SHANK2: variants seen among roughly 807,000 people sequenced by gnomAD.
SHANK2 encodes SH3 and multiple ankyrin repeat domains protein 2.
A neutral mutation model predicts 133.7 loss-of-function variants in SHANK2; 43 were observed. That is an observed-to-expected ratio of 0.32 (90% CI 0.25 to 0.41). The LOEUF is 0.41. Ranked by LOEUF, SHANK2 falls within the 10% of genes least tolerant of loss-of-function variation. The probability of loss-of-function intolerance (pLI) is 1.00; values close to 1 mark genes in which losing one functional copy is unlikely to be tolerated. For missense variants in SHANK2, 1,994 were observed against 2,235.8 expected (o/e 0.89, Z 2.18); for synonymous variants, 1,017 against 952.8 (o/e 1.07, Z -1.24).
chr11:70,575,701 G>T (rs11602938), intron 17 of SHANK2, among the ~76,000 whole-genome samples: 1 of 151,514 alleles, frequency 6.6e-6, no homozygotes, highest in Non-Finnish European at 1.5e-5. Flanking sequence ...TCGACACTCA[G>T]GTGGTGGGTG....
At position 70,502,721 on chromosome 11, in the gene SHANK2, C is replaced by A. The variant is rs549117985; in HGVS notation, c.2197+75G>T. 292 of 1,324,702 alleles carry A rather than the reference C, an allele frequency of 2.2e-4. 4 individuals carry two copies. In the South Asian group the frequency reaches 2.5e-3, roughly 11 times the overall value. 82.1% of individuals were successfully genotyped at this position (1,324,702 alleles called of 1,614,324 possible). On this transcript the variant is annotated intron_variant, in intron 18 of 25. Coordinates refer to ENST00000601538, the MANE Select transcript of SHANK2 (RefSeq NM_012309.5). ...GCTGGAGAGAGGGCCCACTGCCCCC[C>A]AGCTGTCCTGCCCGCCCCCACCCCC...
chr11:70,873,143 A>T (rs1555070529), intron 11 of SHANK2: 1 of 469,858 alleles, frequency 2.1e-6, no homozygotes, highest in Non-Finnish European at 4.4e-6. Flanking sequence ...TGGTTCCCTA[A>T]AACAAAGAGC....
chr11:70,722,705 A>T (rs1307639173), intron 14 of SHANK2, among the ~76,000 whole-genome samples: 2 of 152,204 alleles, frequency 1.3e-5, no homozygotes, highest in Non-Finnish European at 2.9e-5. Context: ...ATGGTTTCTT[A>T]AAGGGTTGAG....
chr11:71,200,831 TACACACACACACAC>T (rs56749664), intron 2 of SHANK2, among the ~76,000 whole-genome samples: 10 of 144,930 alleles, frequency 6.9e-5, no homozygotes, highest in Admixed American at 3.4e-4. Context: ...TCTCAATTAA[TACACACACACACAC>T]ACACACACAC....
At chr11:70,834,547 C>G (rs1948777329) in intron 11 of SHANK2, among the ~76,000 whole-genome samples, 1 of 152,218 alleles carries the variant, frequency 6.6e-6, no homozygotes, top group African/African-American at 2.4e-5. Context: ...GGGATTCTTC[C>G]TGCCCATCCC....
intron 14 of SHANK2, among the ~76,000 whole-genome samples, chr11:70,715,486 C>G (rs1239650704): frequency 6.6e-6 from 1 of 152,202 alleles, no homozygotes; most frequent in Admixed American, 6.5e-5. Flanking sequence ...GGAGGGGAGG[C>G]TACACTCAGT....
At chr11:70,551,588 G>A (rs1565123032) in intron 17 of SHANK2, among the ~76,000 whole-genome samples, 1 of 152,186 alleles carries the variant, frequency 6.6e-6, no homozygotes. Context: ...CTGACTCAGT[G>A]GTTTTTTTCA....
intron 11 of SHANK2, among the ~76,000 whole-genome samples, chr11:70,868,067 C>T (rs1471672057): frequency 6.6e-6 from 1 of 152,256 alleles, no homozygotes; most frequent in Non-Finnish European, 1.5e-5. Flanking sequence ...ACCAAGGGCC[C>T]GGCGCTGGCA....
chr11:70,675,132 G>A (rs1555016914), intron 15 of SHANK2, among the ~76,000 whole-genome samples: 1 of 152,198 alleles, frequency 6.6e-6, no homozygotes, highest in Non-Finnish European at 1.5e-5. Flanking sequence ...AGGATCACAT[G>A]GGGAGTACTT....
At chr11:71,196,816 G>A (rs1555116261) in intron 2 of SHANK2, among the ~76,000 whole-genome samples, 1 of 151,672 alleles carries the variant, frequency 6.6e-6, no homozygotes, top group African/African-American at 2.4e-5. Context: ...TGGCCAACAT[G>A]GTGAAATCCC....
intron 17 of SHANK2, among the ~76,000 whole-genome samples, chr11:70,610,688 C>T (rs1484661553): frequency 2.6e-5 from 4 of 152,222 alleles, no homozygotes; most frequent in Non-Finnish European, 5.9e-5. Flanking sequence ...CGGAGAATTC[C>T]GTGGGGCAGC....
At chr11:71,152,185 T>G (rs1469877492) in intron 2 of SHANK2, among the ~76,000 whole-genome samples, 1 of 152,196 alleles carries the variant, frequency 6.6e-6, no homozygotes, top group African/African-American at 2.4e-5. Context: ...CAATCTCGGC[T>G]CACTGCAACC....
rs548791903 is a variant in SHANK2, at chr11:70,736,638, G to A, written c.1778-37875C>T. ...GAGGGAGCACGGCCCTGCTGCCACCGTGATATTGGACTTCTGGACTCCTGA... is the reference window on the plus strand; with the variant it reads ...GAGGGAGCACGGCCCTGCTGCCACCATGATATTGGACTTCTGGACTCCTGA... On this transcript the variant is annotated intron_variant, in intron 14 of 25. Transcript: ENST00000601538. 1.2e-4 allele frequency among the ~76,000 whole-genome samples: 19 copies of A among 152,274 alleles called. No individual in the cohort carries two copies. In the South Asian group the frequency reaches 3.5e-3, roughly 28 times the overall value.
At chr11:70,932,266 C>T (rs1950513909) in intron 10 of SHANK2, among the ~76,000 whole-genome samples, 1 of 152,198 alleles carries the variant, frequency 6.6e-6, no homozygotes, top group Non-Finnish European at 1.5e-5. Context: ...ATAACAGCCA[C>T]GGGAAATATT....
At chr11:70,863,567 A>T in intron 11 of SHANK2, 1 of 457,644 alleles carries the variant, frequency 2.2e-6, no homozygotes, top group Non-Finnish European at 4.4e-6. Context: ...TGAAGGTACA[A>T]TTTAGAGTCT....
intron 17 of SHANK2, among the ~76,000 whole-genome samples, chr11:70,627,051 C>T (rs948198243): frequency 6.6e-5 from 10 of 151,958 alleles, no homozygotes. Flanking sequence ...AGGTGGGGGG[C>T]GTGGGGGTGG....
chr11:70,656,352 A>AG (rs142694620), intron 17 of SHANK2, among the ~76,000 whole-genome samples: 8,820 of 151,792 alleles, frequency 0.058, 349 homozygotes, highest in Middle Eastern at 0.11. Context: ...TGGCTGGTGG[A>AG]GGCCCCATCC....
At chr11:70,578,056 C>T (rs1295441162) in intron 17 of SHANK2, among the ~76,000 whole-genome samples, 1 of 152,160 alleles carries the variant, frequency 6.6e-6, no homozygotes, top group Non-Finnish European at 1.5e-5. Context: ...CACCAACGTC[C>T]CGTGTAAGCC....
intron 10 of SHANK2, among the ~76,000 whole-genome samples, chr11:70,922,455 A>AAATACTGAATACCAAATAAAT (rs1950365443): frequency 6.6e-6 from 1 of 152,210 alleles, no homozygotes; most frequent in Non-Finnish European, 1.5e-5. Context: ...CTAGGCACAC[A>AAATACTGAATACCAAATAAAT]AATACTGAAA....
Sources: gnomAD v4.1 joint callset for allele counts (sites outside exome capture counted in the v4.1 genomes callset) on GRCh38, gnomAD v4.1.1 for gene constraint, MANE v1.5 for transcripts, NCBI Gene and HGNC (gene_info 2026-07-23, HGNC 2026-07-21) for gene names.